Variants in IGF1R observed in about 807,000 individuals in gnomAD.
The protein encoded by IGF1R is insulin-like growth factor 1 receptor.
Under a neutral mutation model 144.6 loss-of-function variants are expected in IGF1R, and 44 were observed. The observed-to-expected ratio is 0.30, with a 90% confidence interval of 0.24 to 0.39. The LOEUF (loss-of-function observed/expected upper bound fraction) is 0.39. IGF1R is among the 10% of genes least tolerant of loss of function. IGF1R has a pLI of 1.00. For missense variants in IGF1R, 1,355 were observed against 1,833.7 expected, an observed-to-expected ratio of 0.74 and a Z score of 4.77; for synonymous variants, 795 against 722.8, an observed-to-expected ratio of 1.10 and a Z score of -1.60.
intron 10 of IGF1R, among the ~76,000 whole-genome samples, chr15:98,917,268 CCT>C (rs1270709078): frequency 6.6e-6 from 1 of 152,184 alleles, no homozygotes; most frequent in African/African-American, 2.4e-5. Flanking sequence ...ATCTTTACTG[CCT>C]CTCTCAGCCT....
At chr15:98,918,909 G>A (rs1379608725) in intron 10 of IGF1R, among the ~76,000 whole-genome samples, 1 of 152,100 alleles carries the variant, frequency 6.6e-6, no homozygotes, top group African/African-American at 2.4e-5. Flanking sequence ...GCTGTGAGAA[G>A]GGCCTGCGAG....
chr15:98,957,192 A>T lies in IGF1R; in HGVS notation c.3854A>T (p.Asn1285Ile). ...GTCTCCTTCTACTACAGCGAGGAGA[A>T]CAAGCTGCCCGAGCCGGAGGAGCTG... ...REVSFYYSEE[N>I]KLPEPEELDL... The change falls in exon 21 of 21, where the codon AAC (asparagine) becomes ATC (isoleucine). Residue 1285 changes from asparagine (N) to isoleucine (I), a missense_variant. By Grantham distance (149) the Asn-to-Ile change is moderately radical (BLOSUM62 -3). This residue lies in a region of IGF1R where 219 missense variants were observed against 188.8 expected (regional missense o/e 1.16). Transcript: ENST00000650285. The T allele has an allele frequency of 6.2e-7, 1 of 1,614,228 alleles. No individual in the cohort carries two copies. Among genetic ancestry groups the T allele is most frequent in the Non-Finnish European group, 8.5e-7 (1 of 1,180,042 alleles).
intron 8 of IGF1R, among the ~76,000 whole-genome samples, chr15:98,915,028 T>A (rs1228016550): frequency 1.3e-5 from 2 of 152,222 alleles, no homozygotes; most frequent in Admixed American, 6.5e-5. Context: ...CCTCAAGCTG[T>A]CCGCCCTTTT....
intron 1 of IGF1R, among the ~76,000 whole-genome samples, chr15:98,662,692 G>A (rs1015259732): frequency 6.6e-6 from 1 of 152,166 alleles, no homozygotes; most frequent in Non-Finnish European, 1.5e-5. Context: ...TATGTGGGCT[G>A]CAGGCAGTGG....
chr15:98,825,134 C>T lies in IGF1R; in HGVS notation c.641-66191C>T, dbSNP rs151020317. On this transcript the variant is annotated intron_variant, in intron 2 of 20. Transcript: ENST00000650285. ...GATTACAGGCATGAGCCACCATGCC[C>T]GGTTGTTTTGTTCTTTAATTTTACA... 5.1e-3 allele frequency among the ~76,000 whole-genome samples: 773 copies of T among 152,202 alleles called. 7 individuals carry two copies. Among genetic ancestry groups the T allele is most frequent in the Admixed American group, 0.012 (176 of 15,280 alleles).
intron 2 of IGF1R, among the ~76,000 whole-genome samples, chr15:98,837,545 A>AT (rs1336204782): frequency 1.3e-5 from 2 of 151,768 alleles, no homozygotes; most frequent in Non-Finnish European, 2.9e-5. Context: ...CAATTTTTAA[A>AT]TTTTTTGTAG....
intron 2 of IGF1R, among the ~76,000 whole-genome samples, chr15:98,832,030 A>G (rs2057010931): frequency 6.6e-6 from 1 of 152,128 alleles, no homozygotes; most frequent in African/African-American, 2.4e-5. Flanking sequence ...GCATGTCAAG[A>G]GTGCCATGTT....
rs555568828 is a variant in IGF1R, at chr15:98,889,900, G to A, written c.641-1425G>A. Among the ~76,000 whole-genome samples, 6 of 152,300 alleles carry A rather than the reference G, an allele frequency of 3.9e-5. No individual in the cohort carries two copies. The South Asian group carries it at 1.0e-3, about 26-fold the overall frequency. Reference sequence around the variant, plus strand: ...ATTTTGTATTGTTTTCCAATTTGAGGATAAAGTAGGAAATGTATAATGCAA... The same window carrying A: ...ATTTTGTATTGTTTTCCAATTTGAGAATAAAGTAGGAAATGTATAATGCAA... On this transcript the variant is annotated intron_variant, in intron 2 of 20. Coordinates refer to ENST00000650285, the MANE Select transcript of IGF1R (RefSeq NM_000875.5).
rs1484911473 is a variant in IGF1R, at chr15:98,942,945, C to T, written c.3480C>T (p.Ile1160=). 6.8e-6 allele frequency: 11 copies of T among 1,614,080 alleles called. No homozygotes were observed. The highest frequency in any genetic ancestry group is 9.3e-6 in the Non-Finnish European group (11 of 1,180,032). The part of the protein sequence containing the change: ...KIGDFGMTRD[I]YETDYYRKGG... ...CAGATTTTGGTATGACGCGAGATAT[C>T]TATGAGACAGACTATTACCGGAAAG... is the stretch of plus-strand genomic sequence containing the variant. Residue 1160 remains isoleucine (I), a synonymous_variant, in exon 19 of 21, where the codon ATC becomes ATT. Transcript: ENST00000650285.
intron 2 of IGF1R, among the ~76,000 whole-genome samples, chr15:98,776,224 G>A (rs1045967762): frequency 4.7e-5 from 7 of 149,030 alleles, no homozygotes; most frequent in Admixed American, 1.3e-4. Context: ...TTACTCTGTC[G>A]CCCAGGCTGG....
At chr15:98,830,275 C>T (rs758139623) in intron 2 of IGF1R, among the ~76,000 whole-genome samples, 66 of 152,220 alleles carry the variant, frequency 4.3e-4, no homozygotes, top group Non-Finnish European at 9.0e-4. Context: ...TTATCCATCA[C>T]AGCCACACAG....
At chr15:98,862,571 T>G (rs745750308) in intron 2 of IGF1R, among the ~76,000 whole-genome samples, 1 of 152,238 alleles carries the variant, frequency 6.6e-6, no homozygotes, top group Non-Finnish European at 1.5e-5. Flanking sequence ...GGGATTCACC[T>G]TATTTATTAA....
At chr15:98,718,015 C>A (rs959503365) in intron 2 of IGF1R, among the ~76,000 whole-genome samples, 5 of 152,142 alleles carry the variant, frequency 3.3e-5, no homozygotes, top group Admixed American at 2.6e-4. Context: ...TCCCACCCAG[C>A]CTCTTCTCCT....
chr15:98,812,545 A>G (rs957978537), intron 2 of IGF1R, among the ~76,000 whole-genome samples: 2 of 151,498 alleles, frequency 1.3e-5, no homozygotes, highest in African/African-American at 2.4e-5. Flanking sequence ...TTTAGTAGAG[A>G]TGGGGTTTTG....
intron 2 of IGF1R, among the ~76,000 whole-genome samples, chr15:98,775,370 C>T (rs1288188586): frequency 6.6e-6 from 1 of 152,186 alleles, no homozygotes; most frequent in African/African-American, 2.4e-5. Context: ...GGCTGCCACC[C>T]CCACCTCTAG....
Position 98,957,197 on chromosome 15 carries a change from C to G in IGF1R, c.3859C>G (p.Leu1287Val), listed in dbSNP as rs749812529. 5.6e-6 allele frequency: 9 copies of G among 1,614,110 alleles called. No homozygotes were observed. The South Asian group carries it at 8.8e-5, about 16-fold the overall frequency. The change falls in exon 21 of 21, where the codon CTG becomes GTG. Residue 1287 changes from leucine (L) to valine (V), a missense_variant. Coordinates refer to ENST00000650285, the MANE Select transcript of IGF1R (RefSeq NM_000875.5). ...VSFYYSEENK[L>V]PEPEELDLEP... ...CTTCTACTACAGCGAGGAGAACAAG[C>G]TGCCCGAGCCGGAGGAGCTGGACCT...
At chr15:98,883,307 T>G (rs1596392983) in intron 2 of IGF1R, among the ~76,000 whole-genome samples, 1 of 152,194 alleles carries the variant, frequency 6.6e-6, no homozygotes, top group East Asian at 1.9e-4. Flanking sequence ...CTCAGTGGGG[T>G]TTTTTTCCAA....
At position 98,957,422 on chromosome 15, in the gene IGF1R, C is replaced by T. The variant is rs778628208; in HGVS notation, c.4084C>T (p.Pro1362Ser). 4 of 1,613,158 alleles carry T rather than the reference C, an allele frequency of 2.5e-6. No individual in the cohort carries two copies. Among genetic ancestry groups the T allele is most frequent in the Non-Finnish European group, 3.4e-6 (4 of 1,180,044 alleles). ...GRKNERALPL[P>S]QSSTC ...CAAGAACGAGCGGGCCTTGCCGCTG[C>T]CCCAGTCTTCGACCTGCTGATCCTT... is the stretch of plus-strand genomic sequence containing the variant. The change falls in exon 21 of 21, where the codon CCC becomes TCC. Residue 1362 changes from proline (P) to serine (S), a missense_variant. By Grantham distance (74) the Pro-to-Ser change is moderately conservative (BLOSUM62 -1). Coordinates refer to ENST00000650285, the MANE Select transcript of IGF1R (RefSeq NM_000875.5).
chr15:98,697,971 G>C (rs2053635218), intron 1 of IGF1R, among the ~76,000 whole-genome samples: 1 of 150,670 alleles, frequency 6.6e-6, no homozygotes, highest in Admixed American at 6.6e-5. Context: ...CTGGCCTCAA[G>C]TGATCCCCCT....
Sources: gnomAD v4.1 joint callset for allele counts (sites outside exome capture counted in the v4.1 genomes callset) on GRCh38, gnomAD v4.1.1 for gene constraint, gnomAD v4.1.1 regional missense constraint, MANE v1.5 for transcripts, NCBI Gene and HGNC (gene_info 2026-07-23, HGNC 2026-07-21) for gene names.